VPS13A: variants seen among roughly 807,000 people sequenced by gnomAD.
VPS13A encodes the protein intermembrane lipid transfer protein VPS13A.
In VPS13A, 264 loss-of-function variants were observed where a neutral mutation model predicts 390.9. That is an observed-to-expected ratio of 0.68 (90% confidence interval 0.61 to 0.75). The LOEUF (loss-of-function observed/expected upper bound fraction) is 0.75, where lower values mean the gene tolerates loss of function less well. Ranked by LOEUF, VPS13A falls within the 30% of genes least tolerant of loss-of-function variation. The pLI is 0.00. For synonymous variants in VPS13A, 1,231 were observed against 1,227.1 expected, an observed-to-expected ratio of 1.00 and a Z score of -0.07; for missense variants, 3,409 against 3,733.9, an observed-to-expected ratio of 0.91 and a Z score of 2.27.
rs1408394283 is a variant in VPS13A at position 77,420,815 on chromosome 9, A to G, written c.*4809A>G. Reference sequence around the variant, plus strand: ...AAATAGAACATGTTGGAAAATCCCAACATTTCCTGTTATGCCGTCATACCT... The same window carrying G: ...AAATAGAACATGTTGGAAAATCCCAGCATTTCCTGTTATGCCGTCATACCT... On this transcript the variant is annotated 3_prime_UTR_variant, in exon 72 of 72. Transcript: ENST00000360280. 5.9e-5 allele frequency: 9 copies of G among 152,186 alleles called. No individual in the cohort carries two copies. Among genetic ancestry groups the G allele is most frequent in the African/African-American group, 2.2e-4 (9 of 41,452 alleles). 9.4% of individuals were successfully genotyped at this position (152,186 alleles called of 1,614,324 possible).
intron 60 of VPS13A, among the ~76,000 whole-genome samples, 160 bp from the exon 61 acceptor site, chr9:77,366,566 TA>T: frequency 6.6e-6 from 1 of 152,162 alleles, no homozygotes; most frequent in East Asian, 1.9e-4. Flanking sequence ...TGTTAGATTT[TA>T]AATTTCTTCA....
At chr9:77,186,502 GTC>G (rs1238994517) in intron 1 of VPS13A, among the ~76,000 whole-genome samples, 1 of 151,908 alleles carries the variant, frequency 6.6e-6, no homozygotes, top group African/African-American at 2.4e-5. Flanking sequence ...CAGTGGCGCA[GTC>G]TCTGCTTACT....
chr9:77,213,559 C>T (rs997467070), intron 9 of VPS13A, among the ~76,000 whole-genome samples: 23 of 150,718 alleles, frequency 1.5e-4, no homozygotes, highest in African/African-American at 4.9e-5. Context: ...TGCAGTGGCA[C>T]GATTATAGCT....
At chr9:77,302,391 G>A (rs76274062) in intron 33 of VPS13A, among the ~76,000 whole-genome samples, 2 of 69,876 alleles carry the variant, frequency 2.9e-5, no homozygotes, top group African/African-American at 6.8e-5. Context: ...TTTTTTTTTG[G>A]AGACAGAGTC....
chr9:77,370,119 AC>A lies in VPS13A; in HGVS notation c.8668-137del, dbSNP rs1483135227. The A allele has an allele frequency of 4.3e-6, 4 of 933,504 alleles. No homozygotes were observed. In the Admixed American group the frequency reaches 8.1e-5, roughly 19 times the overall value. 57.8% of individuals were successfully genotyped at this position (933,504 alleles called of 1,614,324 possible). Reference sequence around the variant, plus strand: ...TCCCTAGGAATTCTTTTAATGTGAAACTTTTTGCTGATATTACTTCCTCTGG... The same window carrying A: ...TCCCTAGGAATTCTTTTAATGTGAAATTTTTGCTGATATTACTTCCTCTGG... On this transcript the variant is annotated intron_variant, in intron 63 of 71. Coordinates refer to ENST00000360280, the MANE Select transcript of VPS13A (RefSeq NM_033305.3).
At position 77,339,655 on chromosome 9, in the gene VPS13A, C is replaced by T. The variant is rs1350045835; in HGVS notation, c.6518C>T (p.Pro2173Leu). The change falls in exon 48 of 72, where the codon CCT becomes CTT. Residue 2173 changes from proline (P) to leucine (L), a missense_variant. Physicochemically the swap from Pro to Leu is moderately conservative, Grantham distance 98. Transcript: ENST00000360280. ...TGGAAAAGTGAATATCACATAAAGC[C>T]TAATCAGCAAGACATTAGTTTTGTC... ...HDWKSEYHIK[P>L]NQQDISFVSF... 1 of 1,613,926 alleles carries T rather than the reference C, an allele frequency of 6.2e-7. No homozygotes were observed. Among genetic ancestry groups the T allele is most frequent in the Admixed American group, 1.7e-5 (1 of 59,982 alleles).
At chr9:77,285,837 T>G (rs919823625) in intron 31 of VPS13A, among the ~76,000 whole-genome samples, 5 of 152,220 alleles carry the variant, frequency 3.3e-5, no homozygotes, top group African/African-American at 1.2e-4. Flanking sequence ...ATATACCACT[T>G]AAGTCTGTTA....
At chr9:77,359,517 T>C in intron 58 of VPS13A, 115 bp downstream of exon 58, 1 of 1,000,046 alleles carries the variant, frequency 1.0e-6, no homozygotes, top group East Asian at 2.7e-5. Context: ...AAATATTAAT[T>C]ATAAACGTCA....
chr9:77,220,321 A>C lies in VPS13A; in HGVS notation c.927A>C (p.Ala309=). 1 of 1,612,752 alleles carries C rather than the reference A, an allele frequency of 6.2e-7. No homozygotes were observed. Among genetic ancestry groups the C allele is most frequent in the South Asian group, 1.1e-5 (1 of 90,894 alleles). ...TTCTTGAATCAGTTGATATGATGGC[A>C]CAAAATCTGCCATATAGGAAGTTCA... is the stretch of plus-strand genomic sequence containing the variant. ...MELLESVDMM[A]QNLPYRKFKP... The change falls in exon 12 of 72, where the codon GCA becomes GCC. Residue 309 remains alanine, a synonymous_variant. Transcript: ENST00000360280.
intron 69 of VPS13A, 101 bp downstream of exon 69, chr9:77,403,422 ACT>A: frequency 2.0e-6 from 2 of 983,508 alleles, no homozygotes; most frequent in South Asian, 2.7e-5. Flanking sequence ...ATATAGTCAC[ACT>A]GATTCTTGGG....
At chr9:77,270,015 G>A (rs1826256952) in intron 23 of VPS13A, among the ~76,000 whole-genome samples, 1 of 152,162 alleles carries the variant, frequency 6.6e-6, no homozygotes, top group African/African-American at 2.4e-5. Flanking sequence ...TAACGATAGA[G>A]GTGGCCTCCA....
rs528841605 is a variant in VPS13A, at chr9:77,313,893, A to G, written c.4115-99A>G. 8 of 1,283,182 alleles carry G rather than the reference A, an allele frequency of 6.2e-6. No individual in the cohort carries two copies. In the South Asian group the frequency reaches 6.6e-5, roughly 11 times the overall value. The allele number at this position is 1,283,182 out of a possible 1,614,324, so 79.5% of individuals were successfully genotyped here. On this transcript the variant is annotated intron_variant, in intron 35 of 71. Transcript: ENST00000360280. The stretch of plus-strand genomic sequence containing the variant: ...TTATTTTCTTGAATGTCATTTTACT[A>G]TACCTGTTTAATAATTCTATTAAAT...
intron 41 of VPS13A, 137 bp downstream of exon 41, chr9:77,318,728 T>G: frequency 1.1e-6 from 1 of 936,378 alleles, no homozygotes; most frequent in Non-Finnish European, 1.6e-6. Context: ...GGTCAAAAAC[T>G]TTTAGAAAAA....
chr9:77,227,493 G>A lies in VPS13A; in HGVS notation c.1452+8G>A, dbSNP rs774700890. On this transcript the variant is annotated splice_region_variant and intron_variant, in intron 16 of 71. Transcript: ENST00000360280. ...CCAACTTTACTAAAAACAGTAAGATGTTTTCTTGCCTTATACCTTAGAATA... is the reference window on the plus strand; with the variant it reads ...CCAACTTTACTAAAAACAGTAAGATATTTTCTTGCCTTATACCTTAGAATA... The A allele has an allele frequency of 1.9e-6, 3 of 1,587,020 alleles. No individual in the cohort carries two copies. The highest frequency in any genetic ancestry group is 1.7e-5 in the Admixed American group (1 of 59,892).
At chr9:77,233,461 T>C (rs1823955037) in intron 17 of VPS13A, among the ~76,000 whole-genome samples, 1 of 152,164 alleles carries the variant, frequency 6.6e-6, no homozygotes, top group Non-Finnish European at 1.5e-5. Context: ...TTTAATTTGC[T>C]CTTCTCTTTT....
chr9:77,387,219 C>A (rs891659910), intron 68 of VPS13A, among the ~76,000 whole-genome samples: 13 of 151,264 alleles, frequency 8.6e-5, no homozygotes, highest in African/African-American at 1.2e-4. Flanking sequence ...AAAATATATT[C>A]TTATTTCTTA....
intron 12 of VPS13A, 150 bp from the exon 13 acceptor site, chr9:77,221,035 T>C (rs1359519777): frequency 1.4e-5 from 11 of 763,052 alleles, no homozygotes; most frequent in Non-Finnish European, 2.2e-6. Context: ...TTAATGCAAA[T>C]GGAGTTGGGT....
intron 4 of VPS13A, 38 bp downstream of exon 4, chr9:77,205,446 C>T (rs534297856): frequency 5.0e-6 from 5 of 992,160 alleles, no homozygotes. Context: ...TTAAGTTATT[C>T]TTTTTTATGG....
At chr9:77,371,934 G>A (rs1022916650) in intron 67 of VPS13A, among the ~76,000 whole-genome samples, 2 of 143,748 alleles carry the variant, frequency 1.4e-5, no homozygotes, top group Non-Finnish European at 3.1e-5. Context: ...AGTTTACTGA[G>A]AATGATGATT....
Sources: gnomAD v4.1 joint callset for allele counts (sites outside exome capture counted in the v4.1 genomes callset) on GRCh38, gnomAD v4.1.1 for gene constraint, MANE v1.5 for transcripts, NCBI Gene and HGNC (gene_info 2026-07-23, HGNC 2026-07-21) for gene names.